SPINK4: variants seen among roughly 807,000 people sequenced by gnomAD.
The protein encoded by SPINK4 is serine protease inhibitor Kazal-type 4.
A neutral mutation model predicts 12.3 loss-of-function variants in SPINK4; 10 were observed. The observed-to-expected ratio is 0.81, with a 90% CI of 0.50 to 1.37. The LOEUF (loss-of-function observed/expected upper bound fraction) is 1.37, where lower values mean the gene tolerates loss of function less well. SPINK4 is among the 40% of genes most tolerant of loss of function. The probability of loss-of-function intolerance (pLI) is 0.00; values close to 1 mark genes in which losing one functional copy is unlikely to be tolerated. For synonymous variants in SPINK4, 37 were observed against 40.2 expected (o/e 0.92, Z 0.30); for missense variants, 91 against 109.0 (o/e 0.84, Z 0.73).
intron 3 of SPINK4, 134 bp from the exon 4 acceptor site, chr9:33,248,292 G>A: frequency 1.2e-6 from 1 of 801,398 alleles, no homozygotes; most frequent in East Asian, 2.6e-5. Context: ...GGACCCTTGG[G>A]ATCTGCCCTG....
chr9:33,246,441 C>A (rs1820286028), intron 2 of SPINK4, among the ~76,000 whole-genome samples, 175 bp from the exon 3 acceptor site: 1 of 152,178 alleles, frequency 6.6e-6, no homozygotes, highest in African/African-American at 2.4e-5. Flanking sequence ...CACGCACATA[C>A]AAGCAAACAC....
intron 1 of SPINK4, among the ~76,000 whole-genome samples, chr9:33,243,971 A>C (rs770622081): frequency 6.6e-6 from 1 of 152,088 alleles, no homozygotes; most frequent in Non-Finnish European, 1.5e-5. Context: ...TCTGCTTCAT[A>C]TGGAACCCAA....
chr9:33,242,594 G>C (rs1043233499), intron 1 of SPINK4, among the ~76,000 whole-genome samples: 6 of 152,146 alleles, frequency 3.9e-5, no homozygotes, highest in African/African-American at 1.4e-4. Flanking sequence ...AAGCAGCTCA[G>C]GTCCATAGGG....
At chr9:33,246,763 G>T in intron 3 of SPINK4, 35 bp downstream of exon 3, 1 of 1,575,038 alleles carries the variant, frequency 6.3e-7, no homozygotes, top group African/African-American at 1.3e-5. Flanking sequence ...TTGCTTGGGT[G>T]GGCCCCATCT....
intron 2 of SPINK4, among the ~76,000 whole-genome samples, chr9:33,245,750 G>A (rs973323898): frequency 8.5e-5 from 13 of 152,090 alleles, no homozygotes; most frequent in African/African-American, 2.7e-4. Flanking sequence ...CATCGTCCCC[G>A]TCAGTCCATC....
intron 1 of SPINK4, among the ~76,000 whole-genome samples, chr9:33,241,679 GTTTGTTTGTT>G (rs1185432810): frequency 3.1e-5 from 4 of 127,628 alleles, no homozygotes; most frequent in African/African-American, 1.7e-4. Context: ...TTTGGTTTTT[GTTTGTTTGTT>G]TTTGTTTTTG....
chr9:33,246,570 A>G, intron 2 of SPINK4, 46 bp from the exon 3 acceptor site: 1 of 1,545,086 alleles, frequency 6.5e-7, no homozygotes, highest in Non-Finnish European at 8.9e-7. Context: ...ATCCCTCCCC[A>G]CTGCCTCTGA....
intron 3 of SPINK4, 144 bp from the exon 4 acceptor site, chr9:33,248,282 G>A (rs1820305636): frequency 5.5e-6 from 4 of 726,894 alleles, no homozygotes. Context: ...ATGTGCCCAT[G>A]GACCCTTGGG....
chr9:33,248,144 A>T (rs1820304247), intron 3 of SPINK4: 1 of 454,730 alleles, frequency 2.2e-6, no homozygotes. Flanking sequence ...CAACTGCATG[A>T]ACAGGTAGGA....
At position 33,247,347 on chromosome 9, in the gene SPINK4, A is replaced by T. The variant is rs372836822; in HGVS notation, c.215+619A>T. Among the ~76,000 whole-genome samples the T allele has an allele frequency of 1.1e-3, 156 of 145,632 alleles. 1 individual carries two copies. The highest frequency in any genetic ancestry group is 3.7e-3 in the African/African-American group (147 of 39,288). ...TAATTTTTTTTTTTTTTTGTATTTT[A>T]AGTAGACATGGGGTTTCACCATGTT... On this transcript the variant is annotated intron_variant, in intron 3 of 3. Transcript: ENST00000379721.
intron 1 of SPINK4, among the ~76,000 whole-genome samples, chr9:33,243,418 C>G (rs569141777): frequency 5.5e-4 from 83 of 152,262 alleles, no homozygotes; most frequent in African/African-American, 1.9e-3. Context: ...CTATGTTGCC[C>G]AGGCTGGTCT....
intron 1 of SPINK4, among the ~76,000 whole-genome samples, chr9:33,240,499 G>A (rs1820223012): frequency 6.6e-6 from 1 of 152,238 alleles, no homozygotes; most frequent in African/African-American, 2.4e-5. Flanking sequence ...CCCTCTTGGG[G>A]CCTCAGTTTC....
At chr9:33,241,298 A>G (rs1003081401) in intron 1 of SPINK4, among the ~76,000 whole-genome samples, 10 of 152,230 alleles carry the variant, frequency 6.6e-5, no homozygotes, top group Admixed American at 1.3e-4. Context: ...TTGTTGGCCA[A>G]CATAAGAACT....
chr9:33,243,929 T>C (rs1449300198), intron 1 of SPINK4, among the ~76,000 whole-genome samples: 1 of 152,152 alleles, frequency 6.6e-6, no homozygotes, highest in Non-Finnish European at 1.5e-5. Flanking sequence ...AAAGCCTCTT[T>C]CACTGTGGCA....
intron 1 of SPINK4, among the ~76,000 whole-genome samples, chr9:33,244,873 A>C (rs1820270850): frequency 6.6e-6 from 1 of 152,146 alleles, no homozygotes; most frequent in South Asian, 2.1e-4. Flanking sequence ...GATCTAACTA[A>C]CAAGGAATAG....
At chr9:33,243,253 A>G (rs926620616) in intron 1 of SPINK4, among the ~76,000 whole-genome samples, 1 of 151,908 alleles carries the variant, frequency 6.6e-6, no homozygotes. Context: ...TTGTATTTTT[A>G]GTAGATATGG....
rs1191477387 is a variant in SPINK4, at chr9:33,248,418, G to A, written c.216-8G>A. Reference sequence around the variant, plus strand: ...AGGTAGCCTCATGCCTGTCTTCTTTGATCCTAGAAAAACCAAACAGGACAT... The same window carrying A: ...AGGTAGCCTCATGCCTGTCTTCTTTAATCCTAGAAAAACCAAACAGGACAT... On this transcript the variant is annotated splice_polypyrimidine_tract_variant and splice_region_variant and intron_variant, in intron 3 of 3. Coordinates refer to ENST00000379721, the MANE Select transcript of SPINK4 (RefSeq NM_014471.3). The A allele has an allele frequency of 6.2e-7, 1 of 1,613,978 alleles. No individual in the cohort carries two copies. The highest frequency in any genetic ancestry group is 8.5e-7 in the Non-Finnish European group (1 of 1,179,996).
chr9:33,245,695 G>C (rs1820278356), intron 2 of SPINK4, among the ~76,000 whole-genome samples: 1 of 152,204 alleles, frequency 6.6e-6, no homozygotes, highest in Admixed American at 6.5e-5. Context: ...CCTTCATGTA[G>C]TGGAATGAGG....
chr9:33,243,416 C>T (rs1820258498), intron 1 of SPINK4, among the ~76,000 whole-genome samples: 1 of 152,006 alleles, frequency 6.6e-6, no homozygotes, highest in Non-Finnish European at 1.5e-5. Flanking sequence ...TGCTATGTTG[C>T]CCAGGCTGGT....
Sources: allele counts gnomAD v4.1 joint callset (sites outside exome capture counted in the v4.1 genomes callset), GRCh38; gene constraint gnomAD v4.1.1; transcripts MANE v1.5; gene names NCBI Gene and HGNC (gene_info 2026-07-23, HGNC 2026-07-21).